COBL: variants seen among roughly 807,000 people sequenced by gnomAD.
COBL encodes the protein protein cordon-bleu.
COBL carries 51 observed loss-of-function variants against 98.8 expected under a neutral mutation model. That is an observed-to-expected ratio of 0.52 (90% CI 0.41 to 0.65). The LOEUF is 0.65. Among genes scored for constraint, COBL ranks in the 30% least tolerant of loss-of-function variants. COBL has a pLI of 0.00. For missense variants in COBL, 1,617 were observed against 1,617.5 expected (o/e 1.00, Z 0.01); for synonymous variants, 634 against 651.7 (o/e 0.97, Z 0.41).
At chr7:51,187,312 A>ATATG (rs1789625216) in intron 4 of COBL, among the ~76,000 whole-genome samples, 1 of 48,256 alleles carries the variant, frequency 2.1e-5, no homozygotes, top group South Asian at 9.7e-4. Context: ...ATGTTTAAGT[A>ATATG]TATATATATA....
chr7:51,018,774 G>A (rs1025201739), intron 12 of COBL, among the ~76,000 whole-genome samples: 2 of 150,186 alleles, frequency 1.3e-5, no homozygotes, highest in African/African-American at 4.9e-5. Context: ...TGCCTGTAAT[G>A]CCAGCTACTC....
chr7:51,316,490 G>A, intron 1 of COBL, 103 bp downstream of exon 1: 1 of 854,568 alleles, frequency 1.2e-6, no homozygotes, highest in Non-Finnish European at 1.5e-6. Flanking sequence ...CACCCGCTGG[G>A]GCGGCAGAGA....
chr7:51,264,404 C>A (rs1044304637), intron 1 of COBL, among the ~76,000 whole-genome samples: 27 of 152,182 alleles, frequency 1.8e-4, no homozygotes, highest in African/African-American at 5.5e-4. Flanking sequence ...GGCATGGTGG[C>A]TCACGCCTGT....
chr7:51,185,738 T>C (rs1789430545), intron 4 of COBL, among the ~76,000 whole-genome samples: 1 of 152,240 alleles, frequency 6.6e-6, no homozygotes, highest in African/African-American at 2.4e-5. Flanking sequence ...AGACTATTAA[T>C]GCAAACAAGG....
intron 2 of COBL, among the ~76,000 whole-genome samples, chr7:51,197,040 T>A (rs1790658915): frequency 6.6e-6 from 1 of 152,114 alleles, no homozygotes; most frequent in Non-Finnish European, 1.5e-5. Flanking sequence ...TCAGCTCTGA[T>A]TTTGGTTATT....
In COBL at chr7:51,028,540, T is replaced by C. The variant is rs780667032; in HGVS notation, c.2556A>G (p.Thr852=). 3.7e-6 allele frequency: 6 copies of C among 1,614,274 alleles called. No homozygotes were observed. Among genetic ancestry groups the C allele is most frequent in the Non-Finnish European group, 5.1e-6 (6 of 1,180,054 alleles). ...TCTGAGGCTTGAGAAATGTGACTTCTGTGGTGTGAGCTGCTGGCACCCTCA... is the reference window on the plus strand; with the variant it reads ...TCTGAGGCTTGAGAAATGTGACTTCCGTGGTGTGAGCTGCTGGCACCCTCA... The part of the protein sequence containing the change: ...GHVRVPAAHT[T]EVTFLKPQRR... The change falls in exon 10 of 13, where the codon ACA becomes ACG. Residue 852 remains threonine, a synonymous_variant. Transcript: ENST00000265136.
At chr7:51,207,492 C>T (rs563600649) in intron 2 of COBL, among the ~76,000 whole-genome samples, 6 of 152,172 alleles carry the variant, frequency 3.9e-5, no homozygotes, top group East Asian at 1.9e-4. Context: ...CGAAGCAGGA[C>T]GGTACTGCTG....
At chr7:51,057,062 ACT>A (rs912879302) in intron 7 of COBL, among the ~76,000 whole-genome samples, 7 of 152,108 alleles carry the variant, frequency 4.6e-5, no homozygotes, top group African/African-American at 1.7e-4. Flanking sequence ...GTGGATCCAC[ACT>A]GTCTCCTCCC....
At chr7:51,130,888 C>G (rs1798675576) in intron 6 of COBL, among the ~76,000 whole-genome samples, 1 of 152,210 alleles carries the variant, frequency 6.6e-6, no homozygotes, top group South Asian at 2.1e-4. Flanking sequence ...AGTCTTCACA[C>G]AGTGTGAAAT....
At chr7:51,144,079 G>A (rs901855908) in intron 5 of COBL, among the ~76,000 whole-genome samples, 1 of 152,150 alleles carries the variant, frequency 6.6e-6, no homozygotes, top group African/African-American at 2.4e-5. Context: ...AGCATTGCTG[G>A]GACTGTCCCA....
At position 51,251,255 on chromosome 7, in the gene COBL, A is replaced by T. The variant is rs528495308; in HGVS notation, c.42-31311T>A. 4.8e-4 allele frequency among the ~76,000 whole-genome samples: 73 copies of T among 152,336 alleles called. 1 individual carries two copies. Among genetic ancestry groups the T allele is most frequent in the Admixed American group, 7.8e-4 (12 of 15,306 alleles). On this transcript the variant is annotated intron_variant, in intron 1 of 12. Transcript: ENST00000265136. ...ACATGCCAGGTATTTTGCTTCCTGT[A>T]AACTACATAGCTATTAACTCTAGGA...
chr7:51,259,588 G>A, intron 1 of COBL: 1 of 745,506 alleles, frequency 1.3e-6, no homozygotes, highest in Admixed American at 1.8e-5. Context: ...TGCTTCTCCA[G>A]GAAGGCAATT....
chr7:51,302,102 G>C (rs1802025908), intron 1 of COBL, among the ~76,000 whole-genome samples: 1 of 152,154 alleles, frequency 6.6e-6, no homozygotes, highest in Non-Finnish European at 1.5e-5. Context: ...CCTAGGAGGT[G>C]CTTACAAACT....
chr7:51,072,647 G>GA (rs1792677188), intron 7 of COBL: 1 of 152,208 alleles, frequency 6.6e-6, no homozygotes, highest in South Asian at 2.1e-4. Flanking sequence ...TCACTGTTTA[G>GA]TGAATAAATG....
At chr7:51,095,346 G>C (rs1051290888) in intron 6 of COBL, among the ~76,000 whole-genome samples, 1 of 152,122 alleles carries the variant, frequency 6.6e-6, no homozygotes, top group Non-Finnish European at 1.5e-5. Flanking sequence ...CGACACGTGA[G>C]AACTATGGGA....
chr7:51,185,701 G>C (rs1372658757), intron 4 of COBL, among the ~76,000 whole-genome samples: 1 of 152,228 alleles, frequency 6.6e-6, no homozygotes, highest in African/African-American at 2.4e-5. Context: ...CAGAATCATG[G>C]ACTGGGATTT....
intron 6 of COBL, among the ~76,000 whole-genome samples, chr7:51,099,754 C>T (rs1328838078): frequency 2.0e-5 from 3 of 152,022 alleles, no homozygotes; most frequent in Non-Finnish European, 4.4e-5. Flanking sequence ...TTTTAACCAC[C>T]ATTATTATTA....
intron 1 of COBL, among the ~76,000 whole-genome samples, chr7:51,278,600 G>A (rs1298022738): frequency 2.6e-5 from 4 of 151,854 alleles, no homozygotes; most frequent in Admixed American, 6.6e-5. Context: ...GGCTGGTCTC[G>A]AACTCCTGAC....
At chr7:51,019,169 C>G (rs1357880258) in intron 12 of COBL, among the ~76,000 whole-genome samples, 1 of 151,300 alleles carries the variant, frequency 6.6e-6, no homozygotes, top group Non-Finnish European at 1.5e-5. Flanking sequence ...CTTGTGTGCT[C>G]CCAAATTCAC....
Sources: allele counts gnomAD v4.1 joint callset (sites outside exome capture counted in the v4.1 genomes callset), GRCh38; gene constraint gnomAD v4.1.1; transcripts MANE v1.5; gene names NCBI Gene and HGNC (gene_info 2026-07-23, HGNC 2026-07-21).